The following DCBLD1 variants were observed in gnomAD, a reference collection of about 807,000 sequenced individuals.
DCBLD1 encodes the protein discoidin, CUB and LCCL domain-containing protein 1.
A neutral mutation model predicts 71.5 loss-of-function variants in DCBLD1; 57 were observed. The observed-to-expected ratio is 0.80, with a 90% CI of 0.64 to 0.99. DCBLD1 has a LOEUF of 0.99. Among genes scored for constraint, DCBLD1 ranks in the 50% least tolerant of loss-of-function variants. The pLI, the probability that DCBLD1 is intolerant of heterozygous loss-of-function variation, is 0.00. For missense variants in DCBLD1, 891 were observed against 923.5 expected (o/e 0.96, Z 0.46); for synonymous variants, 380 against 363.8 (o/e 1.04, Z -0.51).
chr6:117,521,682 C>A, intron 4 of DCBLD1, 106 bp downstream of exon 4: 1 of 947,820 alleles, frequency 1.1e-6, no homozygotes, highest in Non-Finnish European at 1.6e-6. Flanking sequence ...TTTTACCATT[C>A]ATGTTGTAAC....
In DCBLD1 at chr6:117,559,933, GGTTA is replaced by G. The variant is rs552913518; in HGVS notation, c.1616-9684_1616-9681del. ...CATATATGTATTAGCACTAAATCAA[GGTTA>G]GTCAGTGACAAAAATGTATTTCTAA... On this transcript the variant is annotated intron_variant, in intron 14 of 14. Coordinates refer to the DCBLD1 transcript ENST00000296955. Among the ~76,000 whole-genome samples the G allele has an allele frequency of 3.3e-4, 50 of 152,220 alleles. No individual in the cohort carries two copies. The South Asian group carries it at 9.3e-3, about 28-fold the overall frequency.
At chr6:117,569,843 A>G (rs1779772414) in exon 15 of DCBLD1, 2 of 1,211,608 alleles carry the variant, frequency 1.7e-6, no homozygotes, top group Non-Finnish European at 2.2e-6. Context: ...TTAAACACCT[A>G]TGCTGTCTCT....
At chr6:117,501,416 C>T (rs1169450462) in intron 1 of DCBLD1, among the ~76,000 whole-genome samples, 1 of 152,146 alleles carries the variant, frequency 6.6e-6, no homozygotes, top group Non-Finnish European at 1.5e-5. Flanking sequence ...TCACTGCAAC[C>T]TCTGCCTCCT....
At position 117,488,203 on chromosome 6, in the gene DCBLD1, C is replaced by T. The variant is rs563677257; in HGVS notation, c.112+5310C>T. On this transcript the variant is annotated intron_variant, in intron 1 of 14. Coordinates refer to ENST00000338728, the MANE Select transcript of DCBLD1 (RefSeq NM_001366458.2). ...ACGGTGCCTGGCACATAGCAGGCTC[C>T]GGGTAACTACTAGTTCCTGAGTCAG... Among the ~76,000 whole-genome samples the T allele has an allele frequency of 9.9e-5, 15 of 152,220 alleles. No homozygotes were observed. In the South Asian group the frequency reaches 1.0e-3, roughly 11 times the overall value.
intron 1 of DCBLD1, among the ~76,000 whole-genome samples, chr6:117,493,428 C>CCTTT (rs1777363303): frequency 6.6e-6 from 1 of 152,070 alleles, no homozygotes; most frequent in Non-Finnish European, 1.5e-5. Flanking sequence ...TCTCATTAGA[C>CCTTT]CTTTCCCTTA....
At chr6:117,513,024 A>G (rs1778075026) in intron 2 of DCBLD1, among the ~76,000 whole-genome samples, 1 of 152,208 alleles carries the variant, frequency 6.6e-6, no homozygotes, top group Non-Finnish European at 1.5e-5. Flanking sequence ...CCTTATATCC[A>G]TCTGAAGTGA....
chr6:117,497,095 T>C (rs1387913799), intron 1 of DCBLD1, among the ~76,000 whole-genome samples: 1 of 152,212 alleles, frequency 6.6e-6, no homozygotes, highest in African/African-American at 2.4e-5. Flanking sequence ...ATCGGGATGC[T>C]GAGGCAGGAG....
chr6:117,509,877 G>A lies in DCBLD1; in HGVS notation c.325+5898G>A, dbSNP rs529466230. On this transcript the variant is annotated intron_variant, in intron 2 of 14. Transcript: ENST00000338728. The stretch of plus-strand genomic sequence containing the variant: ...CATATACAGGTTTTCCCAGCCTCAT[G>A]AGATGAACAGAGAACACATATTCTC... 5.3e-5 allele frequency among the ~76,000 whole-genome samples: 8 copies of A among 152,280 alleles called. No homozygotes were observed. The South Asian group carries it at 1.7e-3, about 32-fold the overall frequency.
chr6:117,534,914 G>C (rs1778836382), intron 6 of DCBLD1, among the ~76,000 whole-genome samples: 1 of 151,954 alleles, frequency 6.6e-6, no homozygotes, highest in South Asian at 2.1e-4. Context: ...TTTATTTTGG[G>C]GGGAGTAGAT....
intron 14 of DCBLD1, among the ~76,000 whole-genome samples, chr6:117,559,006 T>C (rs1263609529): frequency 6.6e-6 from 1 of 152,204 alleles, no homozygotes. Flanking sequence ...CCTGTTCTGT[T>C]AACTCTTTTC....
intron 2 of DCBLD1, among the ~76,000 whole-genome samples, chr6:117,512,459 C>T (rs1778054806): frequency 6.6e-6 from 1 of 152,142 alleles, no homozygotes; most frequent in African/African-American, 2.4e-5. Context: ...TAATGTTGTA[C>T]AATGACCCTA....
chr6:117,516,309 C>T (rs566994563), intron 2 of DCBLD1, among the ~76,000 whole-genome samples: 2 of 150,188 alleles, frequency 1.3e-5, no homozygotes, highest in African/African-American at 4.9e-5. Context: ...TGTAGTGAGC[C>T]GAGATCATGC....
chr6:117,484,320 A>C lies in DCBLD1; in HGVS notation c.112+1427A>C, dbSNP rs117311823. On this transcript the variant is annotated intron_variant, in intron 1 of 14. Coordinates refer to ENST00000338728, the MANE Select transcript of DCBLD1 (RefSeq NM_001366458.2). ...GAGCGGTTCTCTAGGAACAAGTGTG[A>C]TTGCTTAGATTCTTTTTAAAAACCT... is the stretch of plus-strand genomic sequence containing the variant. Among the ~76,000 whole-genome samples the C allele has an allele frequency of 4.2e-3, 644 of 152,238 alleles. 2 individuals are homozygous for C. The highest frequency in any genetic ancestry group is 6.9e-3 in the Non-Finnish European group (467 of 68,012).
At chr6:117,547,749 T>G in intron 14 of DCBLD1, 158 bp from the exon 15 acceptor site, 1 of 1,504,198 alleles carries the variant, frequency 6.6e-7, no homozygotes, top group Non-Finnish European at 9.0e-7. Context: ...GTGGCTTCTG[T>G]GGCTTTCACA....
Position 117,525,339 on chromosome 6 carries a change from ATTAT to A in DCBLD1, c.513-16_513-13del, listed in dbSNP as rs761128608. 2.1e-6 allele frequency: 3 copies of A among 1,446,112 alleles called. No homozygotes were observed. The highest frequency in any genetic ancestry group is 1.8e-6 in the Non-Finnish European group (2 of 1,099,940). The allele number at this position is 1,446,112 out of a possible 1,614,324, so 89.6% of individuals were successfully genotyped here. On this transcript the variant is annotated intron_variant, in intron 4 of 14. Coordinates refer to ENST00000338728, the MANE Select transcript of DCBLD1 (RefSeq NM_001366458.2). The stretch of plus-strand genomic sequence containing the variant: ...GGTTGTGTAATTTAATAAAATATAA[ATTAT>A]TTATTTTTCTTTTTCCAGCAAATTC...
intron 14 of DCBLD1, chr6:117,563,497 G>A: frequency 1.0e-6 from 1 of 953,376 alleles, no homozygotes; most frequent in Non-Finnish European, 1.6e-6. Context: ...CAAGGTGGGT[G>A]GATAACCTGA....
intron 14 of DCBLD1, chr6:117,562,492 T>C (rs1055793758): frequency 1.8e-4 from 37 of 203,568 alleles, no homozygotes; most frequent in African/African-American, 8.0e-4. Context: ...AATGGGTAAA[T>C]GCTCCAGTAC....
At chr6:117,518,438 T>TA (rs763782636) in intron 2 of DCBLD1, among the ~76,000 whole-genome samples, 2 of 152,228 alleles carry the variant, frequency 1.3e-5, no homozygotes, top group African/African-American at 2.4e-5. Context: ...CTCTGCCTGT[T>TA]ACCCAGTTCC....
At chr6:117,533,503 T>G (rs1451752507) in intron 6 of DCBLD1, among the ~76,000 whole-genome samples, 2 of 152,196 alleles carry the variant, frequency 1.3e-5, no homozygotes, top group Non-Finnish European at 2.9e-5. Flanking sequence ...TTTAGTAGTA[T>G]TTTCCTTCCC....
Sources: allele counts gnomAD v4.1 joint callset (sites outside exome capture counted in the v4.1 genomes callset), GRCh38; gene constraint gnomAD v4.1.1; transcripts MANE v1.5; gene names NCBI Gene and HGNC (gene_info 2026-07-23, HGNC 2026-07-21).